The following CCDC73 variants were observed in gnomAD, a reference collection of about 807,000 sequenced individuals.
CCDC73 encodes coiled-coil domain containing 73.
Under a neutral mutation model 116.5 loss-of-function variants are expected in CCDC73, and 95 were observed. The ratio of observed to expected loss-of-function variants is 0.82; its 90% CI spans 0.69 to 0.97. The LOEUF is 0.97. Among genes scored for constraint, CCDC73 ranks in the 50% least tolerant of loss-of-function variants. CCDC73 has a pLI of 0.00. For synonymous variants in CCDC73, 398 were observed against 401.3 expected (o/e 0.99, Z 0.10); for missense variants, 1,066 against 1,206.8 (o/e 0.88, Z 1.73).
chr11:32,645,740 GGTTT>G (rs1311977598), intron 12 of CCDC73, among the ~76,000 whole-genome samples: 2 of 152,060 alleles, frequency 1.3e-5, no homozygotes, highest in African/African-American at 4.8e-5. Flanking sequence ...CAGTGCAGCA[GGTTT>G]GTTTATACTA....
At chr11:32,721,452 G>C (rs1344224749) in intron 2 of CCDC73, among the ~76,000 whole-genome samples, 2 of 152,122 alleles carry the variant, frequency 1.3e-5, no homozygotes, top group East Asian at 3.8e-4. Flanking sequence ...AAATATTAAT[G>C]TTATATGAGT....
intron 2 of CCDC73, among the ~76,000 whole-genome samples, chr11:32,740,188 G>A (rs1482075910): frequency 6.6e-6 from 1 of 151,930 alleles, no homozygotes; most frequent in East Asian, 1.9e-4. Context: ...TGGTATCAGT[G>A]TAATAACAGC....
intron 14 of CCDC73, among the ~76,000 whole-genome samples, chr11:32,618,036 C>T (rs1769096643): frequency 6.6e-6 from 1 of 152,258 alleles, no homozygotes; most frequent in South Asian, 2.1e-4. Flanking sequence ...TTCTTCCCTC[C>T]CTACCTCTTC....
intron 2 of CCDC73, among the ~76,000 whole-genome samples, chr11:32,730,356 T>A (rs1402646772): frequency 1.3e-5 from 2 of 152,210 alleles, no homozygotes; most frequent in African/African-American, 2.4e-5. Flanking sequence ...TATAGCCTCT[T>A]GAATCTGGCT....
intron 6 of CCDC73, among the ~76,000 whole-genome samples, chr11:32,685,684 G>A (rs1290439356): frequency 6.7e-6 from 1 of 148,906 alleles, no homozygotes; most frequent in Non-Finnish European, 1.5e-5. Context: ...CCACTACAGA[G>A]TTCTGAGGAC....
chr11:32,676,871 G>C (rs915289335), intron 7 of CCDC73, among the ~76,000 whole-genome samples: 3 of 152,194 alleles, frequency 2.0e-5, no homozygotes, highest in African/African-American at 7.2e-5. Flanking sequence ...TTAAACTGGA[G>C]ACATAATTGG....
At chr11:32,712,308 A>G (rs1849907452) in intron 3 of CCDC73, among the ~76,000 whole-genome samples, 1 of 152,174 alleles carries the variant, frequency 6.6e-6, no homozygotes, top group Non-Finnish European at 1.5e-5. Flanking sequence ...GATCAAGGGT[A>G]CAAAGTTCCA....
At chr11:32,632,104 G>A (rs568642654) in intron 14 of CCDC73, among the ~76,000 whole-genome samples, 13 of 152,148 alleles carry the variant, frequency 8.5e-5, no homozygotes, top group Non-Finnish European at 1.3e-4. Flanking sequence ...TTCTAGGTAA[G>A]ACTTTAACCC....
chr11:32,708,949 A>G (rs1849876900), intron 3 of CCDC73, among the ~76,000 whole-genome samples: 1 of 152,144 alleles, frequency 6.6e-6, no homozygotes, highest in South Asian at 2.1e-4. Flanking sequence ...ACTATGTTGA[A>G]TAGAAGTGGT....
intron 14 of CCDC73, among the ~76,000 whole-genome samples, chr11:32,630,124 A>G (rs1855618409): frequency 6.6e-6 from 1 of 152,208 alleles, no homozygotes; most frequent in Admixed American, 6.5e-5. Flanking sequence ...GGTAGGTTTT[A>G]TAACATATAG....
chr11:32,635,728 G>C lies in CCDC73; in HGVS notation c.1153C>G (p.Gln385Glu). The C allele has an allele frequency of 7.7e-7, 1 of 1,302,686 alleles. No individual in the cohort carries two copies. Among genetic ancestry groups the C allele is most frequent in the South Asian group, 2.2e-5 (1 of 44,796 alleles). The allele number at this position is 1,302,686 out of a possible 1,614,324, so 80.7% of individuals were successfully genotyped here. The change falls in exon 14 of 18, where the codon CAA (glutamine) becomes GAA (glutamate). Residue 385 changes from glutamine (Q) to glutamate (E), a missense_variant. Coordinates refer to ENST00000335185, the MANE Select transcript of CCDC73 (RefSeq NM_001008391.4). ...LQEHYNKLCN[Q>E]KTFEEDKKFQ... ...TTTTTGTCTTCCTCAAATGTTTTTT[G>C]ATTGCATAATTTGTTATAATGTTCT...
chr11:32,641,187 AAT>A (rs1453381961), intron 13 of CCDC73, among the ~76,000 whole-genome samples: 1 of 152,218 alleles, frequency 6.6e-6, no homozygotes, highest in Admixed American at 6.5e-5. Flanking sequence ...TAATTAGCAC[AAT>A]AGTCTAAAAC....
chr11:32,670,470 C>A (rs1856027892), intron 9 of CCDC73, among the ~76,000 whole-genome samples: 2 of 149,472 alleles, frequency 1.3e-5, no homozygotes, highest in South Asian at 4.2e-4. Context: ...TGCAGTGAGC[C>A]AAGATTGCAC....
chr11:32,627,997 G>T (rs1269551811), intron 14 of CCDC73, among the ~76,000 whole-genome samples: 8 of 152,002 alleles, frequency 5.3e-5, no homozygotes, highest in African/African-American at 1.9e-4. Context: ...CTGCTTTAAG[G>T]ACTAATTACA....
intron 1 of CCDC73, among the ~76,000 whole-genome samples, chr11:32,783,827 G>A (rs1850603824): frequency 1.3e-5 from 2 of 152,114 alleles, no homozygotes; most frequent in Admixed American, 1.3e-4. Flanking sequence ...AAGAAAGAGA[G>A]GAAAGGAACC....
intron 9 of CCDC73, among the ~76,000 whole-genome samples, chr11:32,660,543 G>A (rs1034920963): frequency 1.2e-4 from 18 of 152,050 alleles, no homozygotes; most frequent in Non-Finnish European, 8.8e-5. Context: ...TGAGAATACC[G>A]GTTGGGTGTG....
the CCDC73 span, among the ~76,000 whole-genome samples, chr11:32,819,137 C>T: frequency 6.7e-6 from 1 of 148,170 alleles, no homozygotes; most frequent in East Asian, 2.0e-4. Context: ...CCCCAGAGCA[C>T]TTAAGGAGGT....
chr11:32,801,548 G>A, the CCDC73 span, among the ~76,000 whole-genome samples: 1 of 151,966 alleles, frequency 6.6e-6, no homozygotes, highest in Non-Finnish European at 1.5e-5. Context: ...GGCTGAGGCA[G>A]GAGAATCGCT....
chr11:32,776,036 T>C (rs770955894), intron 1 of CCDC73, among the ~76,000 whole-genome samples: 10 of 152,028 alleles, frequency 6.6e-5, no homozygotes, highest in Non-Finnish European at 1.3e-4. Context: ...ATCTTTCTCT[T>C]TCTCTCTCTC....
Sources: allele counts gnomAD v4.1 joint callset (sites outside exome capture counted in the v4.1 genomes callset), GRCh38; gene constraint gnomAD v4.1.1; transcripts MANE v1.5; gene names NCBI Gene and HGNC (gene_info 2026-07-23, HGNC 2026-07-21).